The following PSMG2 variants were observed in gnomAD, a reference collection of about 807,000 sequenced individuals.
The protein encoded by PSMG2 is CD40 ligand-activated specific transcript 3.
In PSMG2, 21 loss-of-function variants were observed where a neutral mutation model predicts 31.5. The observed-to-expected ratio is 0.67, with a 90% CI of 0.47 to 0.96. The LOEUF is 0.96. Among genes scored for constraint, PSMG2 ranks in the 40% least tolerant of loss-of-function variants. The pLI is 0.00. For synonymous variants in PSMG2, 120 were observed against 110.4 expected (o/e 1.09, Z -0.54); for missense variants, 318 against 321.2 (o/e 0.99, Z 0.08).
At chr18:12,703,431 C>G (rs571461319) in intron 1 of PSMG2, among the ~76,000 whole-genome samples, 1 of 152,220 alleles carries the variant, frequency 6.6e-6, no homozygotes, top group African/African-American at 2.4e-5. Context: ...TCTAGATACA[C>G]TGTACTTATG....
upstream of PSMG2, chr18:12,700,979 C>T: frequency 6.2e-7 from 1 of 1,613,176 alleles, no homozygotes; most frequent in South Asian, 1.1e-5. Context: ...TAAGTTCTTT[C>T]ATCACATCGT....
At chr18:12,706,944 A>C (rs987120837) in intron 2 of PSMG2, among the ~76,000 whole-genome samples, 1 of 146,022 alleles carries the variant, frequency 6.8e-6, no homozygotes, top group African/African-American at 2.5e-5. Context: ...ATAAGATCAT[A>C]CTTGTATCTT....
intron 1 of PSMG2, 44 bp downstream of exon 1, chr18:12,703,208 C>T (rs758675563): frequency 1.9e-6 from 3 of 1,568,358 alleles, no homozygotes; most frequent in African/African-American, 2.7e-5. Context: ...CCCGAGGCCC[C>T]TGCGGTGTCG....
rs546452769 is a variant in PSMG2 at position 12,669,929 on chromosome 18, G to A, written c.-37+11156G>A. Among the ~76,000 whole-genome samples the A allele has an allele frequency of 9.4e-3, 537 of 56,976 alleles. 2 individuals are homozygous for A. The highest frequency in any genetic ancestry group is 0.012 in the Non-Finnish European group (306 of 25,064). The allele number at this position is 56,976 out of a possible 152,430, so 37.4% of individuals were successfully genotyped here. On this transcript the variant is annotated intron_variant, in intron 1 of 6. Transcript: ENST00000585331. ...GGAGAATCACTTGAACCCAGGAGGC[G>A]GAGGTTGCGGTGAGCCGAGATTGCA...
At chr18:12,703,339 C>G (rs2040219609) in intron 1 of PSMG2, among the ~76,000 whole-genome samples, 175 bp downstream of exon 1, 1 of 152,250 alleles carries the variant, frequency 6.6e-6, no homozygotes, top group South Asian at 2.1e-4. Flanking sequence ...CAAACAGAAC[C>G]TTTGTCGGCT....
In PSMG2 at chr18:12,706,632, TC is replaced by T; in HGVS notation, c.141del (p.Tyr48IlefsTer26). The T allele has an allele frequency of 6.2e-7, 1 of 1,614,148 alleles. No homozygotes were observed. ...STLNMSKIGY[F>X]YTDCLVPMVG... Reference sequence around the variant, plus strand: ...CTGAATATGTCTAAGATTGGTTACTTCTATACCGATTGTCTTGTGCCAATGG... The same window carrying T: ...CTGAATATGTCTAAGATTGGTTACTTTATACCGATTGTCTTGTGCCAATGG... On this transcript the variant is annotated frameshift_variant, in exon 2 of 7. Coordinates refer to ENST00000317615, the MANE Select transcript of PSMG2 (RefSeq NM_020232.5). LOFTEE classifies it high-confidence loss of function.
chr18:12,706,475 A>C, intron 1 of PSMG2, 75 bp from the exon 2 acceptor site: 2 of 1,470,804 alleles, frequency 1.4e-6, no homozygotes, highest in Non-Finnish European at 1.9e-6. Context: ...AGACAGAGGC[A>C]GACTCTGTTT....
rs535216957 is a variant in PSMG2 at position 12,686,165 on chromosome 18, T to C, written c.-36-20385T>C. 1.6e-4 allele frequency: 147 copies of C among 932,808 alleles called. 2 individuals are homozygous for C. Among genetic ancestry groups the C allele is most frequent in the Non-Finnish European group, 2.1e-4 (133 of 629,662 alleles). The allele number at this position is 932,808 out of a possible 1,614,324, so 57.8% of individuals were successfully genotyped here. On this transcript the variant is annotated intron_variant, in intron 1 of 6. Transcript: ENST00000585331. ...ACCTGTGGGTACAGAGGGTTGACTA[T>C]ATGTGCATTTTTCTAAGGCATTCTT...
intron 2 of PSMG2, among the ~76,000 whole-genome samples, chr18:12,712,305 A>G (rs866792883): frequency 2.6e-5 from 4 of 150,960 alleles, no homozygotes; most frequent in South Asian, 2.1e-4. Flanking sequence ...GTTAATCCCA[A>G]TGAGTGTTGC....
chr18:12,698,038 C>T (rs1316791650), intron 1 of PSMG2, among the ~76,000 whole-genome samples: 1 of 151,296 alleles, frequency 6.6e-6, no homozygotes, highest in African/African-American at 2.4e-5. Flanking sequence ...AAAACAATTA[C>T]AGGAATCAAG....
intron 5 of PSMG2, among the ~76,000 whole-genome samples, chr18:12,723,170 G>A (rs930543866): frequency 3.3e-5 from 5 of 152,080 alleles, no homozygotes; most frequent in Non-Finnish European, 5.9e-5. Flanking sequence ...TTAGAACTCG[G>A]CTCACTTTTA....
intron 1 of PSMG2, 58 bp downstream of exon 1, chr18:12,703,222 C>T: frequency 6.5e-7 from 1 of 1,534,080 alleles, no homozygotes. Context: ...GGTGTCGCCA[C>T]CCCGACGCGG....
intron 3 of PSMG2, among the ~76,000 whole-genome samples, chr18:12,718,278 C>T (rs762162416): frequency 6.6e-6 from 1 of 152,114 alleles, no homozygotes; most frequent in Non-Finnish European, 1.5e-5. Context: ...GCTGGGACTA[C>T]AGGCGTGAGC....
chr18:12,700,274 CTGT>C (rs552353635), upstream of PSMG2: 12 of 158,430 alleles, frequency 7.6e-5, no homozygotes, highest in Non-Finnish European at 9.7e-5. Context: ...AGAGTAGAAG[CTGT>C]TATTAGGTCA....
chr18:12,691,814 C>G (rs951982988), intron 1 of PSMG2, among the ~76,000 whole-genome samples: 1 of 151,256 alleles, frequency 6.6e-6, no homozygotes, highest in Non-Finnish European at 1.5e-5. Flanking sequence ...CTCCCATGTT[C>G]AAGCAATTCT....
chr18:12,722,864 A>T (rs1366878891), intron 5 of PSMG2, among the ~76,000 whole-genome samples: 1 of 152,222 alleles, frequency 6.6e-6, no homozygotes, highest in Non-Finnish European at 1.5e-5. Context: ...TCCAAGTTAG[A>T]GCCTTGAAAA....
chr18:12,723,141 C>G (rs1037172031), intron 5 of PSMG2, among the ~76,000 whole-genome samples: 1 of 152,188 alleles, frequency 6.6e-6, no homozygotes, highest in Non-Finnish European at 1.5e-5. Flanking sequence ...ATCAGAGTCT[C>G]CTCGGTGCCT....
chr18:12,662,693 C>CT (rs1230658112), intron 1 of PSMG2, among the ~76,000 whole-genome samples: 1 of 152,198 alleles, frequency 6.6e-6, no homozygotes, highest in Non-Finnish European at 1.5e-5. Flanking sequence ...ACAAGAATCG[C>CT]TTGAGCCCAG....
intron 1 of PSMG2, chr18:12,697,321 C>T (rs750720039): frequency 4.3e-6 from 7 of 1,613,952 alleles, no homozygotes; most frequent in Non-Finnish European, 5.9e-6. Flanking sequence ...AGTCGTCTCA[C>T]CAAATATGTC....
Sources: allele counts gnomAD v4.1 joint callset (sites outside exome capture counted in the v4.1 genomes callset), GRCh38; gene constraint gnomAD v4.1.1; transcripts MANE v1.5; gene names NCBI Gene and HGNC (gene_info 2026-07-23, HGNC 2026-07-21).